LIPK: variants seen among roughly 807,000 people sequenced by gnomAD.
LIPK encodes lipase member K.
In LIPK, 32 loss-of-function variants were observed where a neutral mutation model predicts 48.6. The observed-to-expected ratio is 0.66, with a 90% CI of 0.50 to 0.88. The LOEUF (loss-of-function observed/expected upper bound fraction) is 0.88, where lower values mean the gene tolerates loss of function less well. LIPK is among the 40% of genes least tolerant of loss of function. The probability of loss-of-function intolerance (pLI) is 0.00; values close to 1 mark genes in which losing one functional copy is unlikely to be tolerated. For synonymous variants in LIPK, 164 were observed against 157.4 expected (o/e 1.04, Z -0.32); for missense variants, 507 against 478.5 (o/e 1.06, Z -0.56).
intron 8 of LIPK, among the ~76,000 whole-genome samples, chr10:88,742,705 C>A (rs934982274): frequency 6.6e-6 from 1 of 152,082 alleles, no homozygotes; most frequent in South Asian, 2.1e-4. Flanking sequence ...AGGCAGAGAG[C>A]AGCCATGTAC....
chr10:88,744,041 C>T (rs1180537860), intron 9 of LIPK, among the ~76,000 whole-genome samples: 1 of 152,208 alleles, frequency 6.6e-6, no homozygotes, highest in Admixed American at 6.5e-5. Flanking sequence ...CGCCAAGCAC[C>T]TCTAGGTAGC....
intron 6 of LIPK, among the ~76,000 whole-genome samples, chr10:88,734,104 A>G (rs1457037145): frequency 6.6e-6 from 1 of 152,224 alleles, no homozygotes; most frequent in Non-Finnish European, 1.5e-5. Context: ...TAGAGGAACT[A>G]TAGTACCAAT....
At chr10:88,710,996 G>A (rs890413526) in intron 1 of LIPK, among the ~76,000 whole-genome samples, 1 of 152,108 alleles carries the variant, frequency 6.6e-6, no homozygotes, top group African/African-American at 2.4e-5. Context: ...CTAGTCTAGT[G>A]AGTATGCAGT....
intron 1 of LIPK, among the ~76,000 whole-genome samples, chr10:88,709,629 C>A (rs1000537610): frequency 5.3e-5 from 8 of 151,796 alleles, no homozygotes; most frequent in Admixed American, 5.3e-4. Context: ...AGTGCATCCT[C>A]TTTCTATTTT....
chr10:88,738,612 G>A (rs555214828), intron 7 of LIPK, among the ~76,000 whole-genome samples: 5 of 152,214 alleles, frequency 3.3e-5, no homozygotes, highest in Non-Finnish European at 7.3e-5. Flanking sequence ...AAGGATATAT[G>A]TAGGTGAGAG....
chr10:88,737,627 T>C lies in LIPK; in HGVS notation c.670-8T>C. The C allele has an allele frequency of 6.2e-7, 1 of 1,613,046 alleles. No homozygotes were observed. Among genetic ancestry groups the C allele is most frequent in the Non-Finnish European group, 8.5e-7 (1 of 1,179,412 alleles). ...TAAGATTTGATGGTGTTTTAAATTA[T>C]CTTGTAGGTGTTGTTTGGTGACAAA... On this transcript the variant is annotated splice_polypyrimidine_tract_variant and splice_region_variant and intron_variant, in intron 6 of 9. Coordinates refer to ENST00000404190, the MANE Select transcript of LIPK (RefSeq NM_001080518.2).
At chr10:88,706,960 T>C (rs553365072) in intron 1 of LIPK, among the ~76,000 whole-genome samples, 2 of 152,120 alleles carry the variant, frequency 1.3e-5, no homozygotes, top group Non-Finnish European at 2.9e-5. Flanking sequence ...CATGCTCCTG[T>C]CACCCTTTAA....
intron 8 of LIPK, among the ~76,000 whole-genome samples, chr10:88,740,918 A>G (rs1842669436): frequency 6.6e-6 from 1 of 152,158 alleles, no homozygotes; most frequent in Admixed American, 6.5e-5. Flanking sequence ...AGGATTTCCA[A>G]AATACTTGGA....
chr10:88,719,890 A>G (rs947215236), intron 1 of LIPK, among the ~76,000 whole-genome samples: 1 of 152,204 alleles, frequency 6.6e-6, no homozygotes, highest in Non-Finnish European at 1.5e-5. Context: ...TGATTTCACC[A>G]TCAATGTATT....
intron 7 of LIPK, among the ~76,000 whole-genome samples, chr10:88,738,520 A>T (rs534034150): frequency 6.6e-6 from 1 of 152,342 alleles, no homozygotes; most frequent in East Asian, 1.9e-4. Context: ...TATGCAAAAC[A>T]TGTCTTAGCC....
intron 1 of LIPK, among the ~76,000 whole-genome samples, chr10:88,717,688 A>T (rs1300108464): frequency 6.6e-6 from 1 of 152,214 alleles, no homozygotes; most frequent in African/African-American, 2.4e-5. Flanking sequence ...TACAGACAAA[A>T]ATAAGCTGAA....
At chr10:88,716,562 A>C (rs570932496) in intron 1 of LIPK, among the ~76,000 whole-genome samples, 2 of 152,142 alleles carry the variant, frequency 1.3e-5, no homozygotes, top group South Asian at 4.2e-4. Context: ...TCACCATGTT[A>C]GCCAGGCTGG....
chr10:88,720,715 G>GCACACACACACACA (rs3068334), intron 1 of LIPK, among the ~76,000 whole-genome samples: 21 of 150,106 alleles, frequency 1.4e-4, no homozygotes, highest in African/African-American at 3.4e-4. Context: ...CAAGTTTTAT[G>GCACACACACACACA]CACACACACA....
chr10:88,743,290 ACT>A lies in LIPK; in HGVS notation c.932_933del (p.Ser311Ter), dbSNP rs1468203357. The A allele has an allele frequency of 6.9e-6, 11 of 1,594,278 alleles. No individual in the cohort carries two copies. Among genetic ancestry groups the A allele is most frequent in the East Asian group, 2.2e-5 (1 of 44,484 alleles). ...CAGCTCCAAGCTTTTGATTGGGGAA[ACT>A]CTGATCAGAACATGATGCACTTCCA... is the stretch of plus-strand genomic sequence containing the variant. On this transcript the variant is annotated frameshift_variant, in exon 9 of 10. Coordinates refer to ENST00000404190, the MANE Select transcript of LIPK (RefSeq NM_001080518.2). LOFTEE classifies it high-confidence loss of function.
chr10:88,707,371 G>A (rs1158063523), intron 1 of LIPK, among the ~76,000 whole-genome samples: 5 of 151,962 alleles, frequency 3.3e-5, no homozygotes. Flanking sequence ...TAAGGACATT[G>A]AGGGAAAAAT....
intron 1 of LIPK, among the ~76,000 whole-genome samples, chr10:88,723,876 T>A (rs1842281958): frequency 6.6e-6 from 1 of 152,124 alleles, no homozygotes; most frequent in Non-Finnish European, 1.5e-5. Flanking sequence ...AATTTTCACA[T>A]ATCACACATA....
At chr10:88,714,577 A>C (rs1463068580) in intron 1 of LIPK, among the ~76,000 whole-genome samples, 11 of 152,216 alleles carry the variant, frequency 7.2e-5, no homozygotes, top group African/African-American at 2.7e-4. Context: ...CTTTTAAAGT[A>C]GATATAGAAA....
At chr10:88,709,440 C>T (rs956877697) in intron 1 of LIPK, among the ~76,000 whole-genome samples, 1 of 151,982 alleles carries the variant, frequency 6.6e-6, no homozygotes, top group African/African-American at 2.4e-5. Context: ...TCCTTGTCCC[C>T]CACCCCCCGA....
intron 1 of LIPK, among the ~76,000 whole-genome samples, chr10:88,712,324 T>C (rs1389722980): frequency 1.3e-5 from 2 of 152,148 alleles, no homozygotes; most frequent in Non-Finnish European, 2.9e-5. Context: ...TTTCAGTAAT[T>C]TTTTTAGCTA....
Sources: gnomAD v4.1 joint callset for allele counts (sites outside exome capture counted in the v4.1 genomes callset) on GRCh38, gnomAD v4.1.1 for gene constraint, MANE v1.5 for transcripts, NCBI Gene and HGNC (gene_info 2026-07-23, HGNC 2026-07-21) for gene names.